SAMD12: variants seen among roughly 807,000 people sequenced by gnomAD.
SAMD12 encodes the protein sterile alpha motif domain-containing protein 12.
Under a neutral mutation model 15.0 loss-of-function variants are expected in SAMD12, and 9 were observed. That is an observed-to-expected ratio of 0.60 (90% CI 0.36 to 1.05). The LOEUF (loss-of-function observed/expected upper bound fraction) is 1.05, where lower values mean the gene tolerates loss of function less well. Among genes scored for constraint, SAMD12 ranks in the 50% least tolerant of loss-of-function variants. The pLI, the probability that SAMD12 is intolerant of heterozygous loss-of-function variation, is 0.01. For synonymous variants in SAMD12, 86 were observed against 90.1 expected (o/e 0.96, Z 0.25); for missense variants, 230 against 234.2 (o/e 0.98, Z 0.12).
chr8:118,293,619 T>C (rs1401952010), intron 4 of SAMD12, among the ~76,000 whole-genome samples: 1 of 152,214 alleles, frequency 6.6e-6, no homozygotes, highest in Non-Finnish European at 1.5e-5. Flanking sequence ...TACTTATTTT[T>C]TAAAAATTTT....
intron 4 of SAMD12, among the ~76,000 whole-genome samples, chr8:118,243,860 G>A (rs1426093995): frequency 6.6e-6 from 1 of 152,102 alleles, no homozygotes; most frequent in Non-Finnish European, 1.5e-5. Context: ...TTTACCAAAA[G>A]AAAGAAATCT....
At chr8:118,596,560 T>C (rs1180876515) in intron 1 of SAMD12, among the ~76,000 whole-genome samples, 1 of 152,200 alleles carries the variant, frequency 6.6e-6, no homozygotes, top group Non-Finnish European at 1.5e-5. Context: ...GACCCCTTAA[T>C]ACTAACTTTG....
At chr8:118,336,912 C>T (rs1312050675) in intron 4 of SAMD12, among the ~76,000 whole-genome samples, 2 of 152,076 alleles carry the variant, frequency 1.3e-5, no homozygotes, top group East Asian at 3.9e-4. Context: ...ATTGCAAGGA[C>T]AGAAAACCAA....
chr8:118,217,634 T>A (rs1490933848), intron 4 of SAMD12, among the ~76,000 whole-genome samples: 3 of 151,696 alleles, frequency 2.0e-5, no homozygotes, highest in Non-Finnish European at 4.4e-5. Flanking sequence ...GAGGGTGGAA[T>A]TTGAATCAGG....
the SAMD12 span, among the ~76,000 whole-genome samples, chr8:118,135,768 C>T: frequency 6.6e-6 from 1 of 152,010 alleles, no homozygotes; most frequent in African/African-American, 2.4e-5. Context: ...GTCTCCAACT[C>T]CTGGACTTAA....
At chr8:118,361,398 A>G (rs557777867) in intron 4 of SAMD12, among the ~76,000 whole-genome samples, 23 of 152,320 alleles carry the variant, frequency 1.5e-4, no homozygotes, top group African/African-American at 5.3e-4. Context: ...TAACTCAAAA[A>G]AAGCTGTTCA....
the SAMD12 span, among the ~76,000 whole-genome samples, chr8:118,152,864 C>T: frequency 6.6e-6 from 1 of 152,162 alleles, no homozygotes; most frequent in East Asian, 1.9e-4. Flanking sequence ...GGGATTTGTT[C>T]CCAGTGCTTT....
chr8:118,256,937 T>C (rs1812955316), intron 4 of SAMD12, among the ~76,000 whole-genome samples: 1 of 152,074 alleles, frequency 6.6e-6, no homozygotes, highest in African/African-American at 2.4e-5. Flanking sequence ...CACTCCTGTT[T>C]TGCTAAACTT....
At chr8:118,607,486 T>C (rs1828012972) in intron 1 of SAMD12, among the ~76,000 whole-genome samples, 1 of 152,180 alleles carries the variant, frequency 6.6e-6, no homozygotes, top group Non-Finnish European at 1.5e-5. Context: ...TCTGTCCACC[T>C]CAGCCTCCCA....
At chr8:118,143,347 A>C in the SAMD12 span, among the ~76,000 whole-genome samples, 4 of 152,194 alleles carry the variant, frequency 2.6e-5, no homozygotes, top group Admixed American at 1.3e-4. Flanking sequence ...TTCACTAAGG[A>C]ATTATGGTTA....
chr8:118,315,949 A>G (rs1006146332), intron 4 of SAMD12, among the ~76,000 whole-genome samples: 7 of 152,198 alleles, frequency 4.6e-5, no homozygotes, highest in Admixed American at 1.3e-4. Flanking sequence ...TTCTGTTACC[A>G]TCTTCTTTTT....
chr8:118,476,026 A>ACT (rs1482966338), intron 2 of SAMD12, among the ~76,000 whole-genome samples: 1 of 152,194 alleles, frequency 6.6e-6, no homozygotes, highest in Non-Finnish European at 1.5e-5. Flanking sequence ...TAATAGTATA[A>ACT]AACATCTGCT....
At chr8:118,537,309 A>G (rs1002165188) in intron 2 of SAMD12, among the ~76,000 whole-genome samples, 1 of 151,862 alleles carries the variant, frequency 6.6e-6, no homozygotes, top group Non-Finnish European at 1.5e-5. Flanking sequence ...TTGAATATTG[A>G]TATCTTTCTC....
chr8:118,472,143 C>T lies in SAMD12; in HGVS notation c.193-32182G>A, dbSNP rs189614037. Among the ~76,000 whole-genome samples the T allele has an allele frequency of 3.6e-4, 55 of 152,128 alleles. No homozygotes were observed. In the East Asian group the frequency reaches 8.9e-3, roughly 25 times the overall value. On this transcript the variant is annotated intron_variant, in intron 2 of 3. Transcript: ENST00000314727. The stretch of plus-strand genomic sequence containing the variant: ...TCCACTAAAAATACAAAAAATTAGC[C>T]GGGCGTGGTGGTGGGTGCCCGTAGC...
intron 3 of SAMD12, chr8:118,400,438 G>A (rs1298580167): frequency 6.6e-6 from 1 of 152,144 alleles, no homozygotes; most frequent in Non-Finnish European, 1.5e-5. Flanking sequence ...TTACAAAAAT[G>A]TATGAATTGG....
At chr8:118,328,615 C>T (rs1160800401) in intron 4 of SAMD12, among the ~76,000 whole-genome samples, 1 of 152,184 alleles carries the variant, frequency 6.6e-6, no homozygotes, top group Non-Finnish European at 1.5e-5. Flanking sequence ...TCTTCAACCT[C>T]CATTGACCAC....
At chr8:118,416,897 T>C (rs1322934722) in intron 3 of SAMD12, among the ~76,000 whole-genome samples, 1 of 152,224 alleles carries the variant, frequency 6.6e-6, no homozygotes, top group African/African-American at 2.4e-5. Flanking sequence ...TGTTTCCAGA[T>C]ATTCCAGAGG....
In SAMD12 at chr8:118,356,934, C is replaced by T. The variant is rs1818256281; in HGVS notation, c.433+22626G>A. ...TGATCCTATCTGCAAACAGATCCAC[C>T]CCCATTCGCTCTGGCTATGACCTCA... On this transcript the variant is annotated intron_variant, in intron 4 of 4. Transcript: ENST00000409003. Among the ~76,000 whole-genome samples the T allele has an allele frequency of 3.9e-5, 6 of 152,176 alleles. 1 individual carries two copies. In the South Asian group the frequency reaches 1.2e-3, roughly 31 times the overall value.
Position 118,543,860 on chromosome 8 carries a change from GTC to G in SAMD12, c.192+36853_192+36854del, listed in dbSNP as rs560810443. Reference sequence around the variant, plus strand: ...TAGGCAAGCACACATTTCTAGAATGGTCTTTATATTCACCTTTCATTCCTTTA... The same window carrying G: ...TAGGCAAGCACACATTTCTAGAATGGTTTATATTCACCTTTCATTCCTTTA... On this transcript the variant is annotated intron_variant, in intron 2 of 3. Coordinates refer to ENST00000314727, the MANE Select transcript of SAMD12 (RefSeq NM_207506.3). Among the ~76,000 whole-genome samples the G allele has an allele frequency of 9.2e-3, 1,394 of 152,070 alleles. 16 individuals are homozygous for G. The highest frequency in any genetic ancestry group is 0.013 in the Non-Finnish European group (869 of 67,994).
Sources: gnomAD v4.1 joint callset for allele counts (sites outside exome capture counted in the v4.1 genomes callset) on GRCh38, gnomAD v4.1.1 for gene constraint, MANE v1.5 for transcripts, NCBI Gene and HGNC (gene_info 2026-07-23, HGNC 2026-07-21) for gene names.